The following EXT1 variants were observed in gnomAD, a reference collection of about 807,000 sequenced individuals.
The protein encoded by EXT1 is exostosin glycosyltransferase 1.
EXT1 carries 20 observed loss-of-function variants against 82.5 expected under a neutral mutation model. That is an observed-to-expected ratio of 0.24 (90% confidence interval 0.17 to 0.35). The LOEUF is 0.35. Ranked by LOEUF, EXT1 falls within the 10% of genes least tolerant of loss-of-function variation. The pLI, the probability that EXT1 is intolerant of heterozygous loss-of-function variation, is 1.00. For synonymous variants in EXT1, 348 were observed against 350.8 expected, an observed-to-expected ratio of 0.99 and a Z score of 0.09; for missense variants, 757 against 936.5, an observed-to-expected ratio of 0.81 and a Z score of 2.50.
chr8:118,033,015 T>G (rs1816355569), intron 1 of EXT1, among the ~76,000 whole-genome samples: 1 of 152,008 alleles, frequency 6.6e-6, no homozygotes, highest in South Asian at 2.1e-4. Flanking sequence ...AGGAAAGGGG[T>G]TGCTGCCTAT....
intron 6 of EXT1, 103 bp from the exon 7 acceptor site, chr8:117,818,633 A>C (rs1811868276): frequency 2.1e-6 from 2 of 951,330 alleles, no homozygotes; most frequent in Admixed American, 1.8e-5. Flanking sequence ...GAGGAGCTGG[A>C]AATCTCAGCA....
intron 1 of EXT1, among the ~76,000 whole-genome samples, chr8:117,847,694 C>T (rs1337889704): frequency 6.6e-6 from 1 of 152,140 alleles, no homozygotes; most frequent in African/African-American, 2.4e-5. Flanking sequence ...AATGTCTGAC[C>T]ACTTCCCTTC....
chr8:118,010,600 T>C (rs1308589763), intron 1 of EXT1, among the ~76,000 whole-genome samples: 1 of 152,202 alleles, frequency 6.6e-6, no homozygotes, highest in Admixed American at 6.5e-5. Flanking sequence ...TAAAAGAAGC[T>C]GCAGAGCAGT....
chr8:117,913,546 T>C (rs1267649863), intron 1 of EXT1, among the ~76,000 whole-genome samples: 1 of 152,188 alleles, frequency 6.6e-6, no homozygotes, highest in African/African-American at 2.4e-5. Flanking sequence ...GTACAGCCTC[T>C]TTTCCAGAGA....
intron 1 of EXT1, among the ~76,000 whole-genome samples, chr8:117,965,136 T>C (rs1814783594): frequency 6.6e-6 from 1 of 152,170 alleles, no homozygotes; most frequent in Admixed American, 6.5e-5. Flanking sequence ...TGTTTTTTTG[T>C]TTGTTTTTTT....
chr8:117,998,764 T>G (rs1815599698), intron 1 of EXT1, among the ~76,000 whole-genome samples: 1 of 152,168 alleles, frequency 6.6e-6, no homozygotes, highest in African/African-American at 2.4e-5. Context: ...GGCTAACTTG[T>G]AAAACCCCCA....
chr8:117,857,133 A>C (rs144784062), intron 1 of EXT1, among the ~76,000 whole-genome samples: 5 of 152,324 alleles, frequency 3.3e-5, no homozygotes, highest in East Asian at 3.9e-4. Flanking sequence ...AGAAAGAAAA[A>C]TTTCTTTTAA....
intron 1 of EXT1, among the ~76,000 whole-genome samples, chr8:117,944,044 C>T: frequency 6.6e-6 from 1 of 152,158 alleles, no homozygotes; most frequent in East Asian, 1.9e-4. Flanking sequence ...GAAGGGAGAT[C>T]AAAAGTGTGT....
intron 1 of EXT1, among the ~76,000 whole-genome samples, chr8:118,086,604 T>C (rs1363442092): frequency 6.6e-6 from 1 of 152,226 alleles, no homozygotes; most frequent in Non-Finnish European, 1.5e-5. Flanking sequence ...GATGCACTTA[T>C]TTTAAGCTGT....
chr8:117,904,521 T>C (rs1485234397), intron 1 of EXT1, among the ~76,000 whole-genome samples: 1 of 152,208 alleles, frequency 6.6e-6, no homozygotes, highest in African/African-American at 2.4e-5. Context: ...GGGTATGTTC[T>C]TTAAAATATC....
chr8:118,083,812 G>A (rs1006590705), intron 1 of EXT1, among the ~76,000 whole-genome samples: 2 of 152,050 alleles, frequency 1.3e-5, no homozygotes, highest in African/African-American at 4.8e-5. Flanking sequence ...CAGATCACTT[G>A]GGGTCAGGAG....
chr8:118,051,032 C>T (rs1816708396), intron 1 of EXT1, among the ~76,000 whole-genome samples: 1 of 152,168 alleles, frequency 6.6e-6, no homozygotes, highest in Non-Finnish European at 1.5e-5. Flanking sequence ...ATAATCCATA[C>T]ACACAAATAT....
chr8:118,053,999 T>C (rs1216517100), intron 1 of EXT1, among the ~76,000 whole-genome samples: 1 of 152,166 alleles, frequency 6.6e-6, no homozygotes, highest in African/African-American at 2.4e-5. Context: ...GTCATGTGTA[T>C]GGGGGTGAAG....
At chr8:118,106,723 A>C (rs1250403774) in intron 1 of EXT1, among the ~76,000 whole-genome samples, 3 of 152,238 alleles carry the variant, frequency 2.0e-5, no homozygotes, top group Non-Finnish European at 4.4e-5. Context: ...TATGAAGTTC[A>C]TGCAAAAGTA....
At chr8:117,955,341 G>A (rs904623431) in intron 1 of EXT1, among the ~76,000 whole-genome samples, 2 of 152,124 alleles carry the variant, frequency 1.3e-5, no homozygotes, top group African/African-American at 4.8e-5. Flanking sequence ...ATAGGGGTAG[G>A]GTGGGTTAGA....
chr8:117,976,247 G>A (rs560439631), intron 1 of EXT1, among the ~76,000 whole-genome samples: 26 of 152,004 alleles, frequency 1.7e-4, no homozygotes, highest in Non-Finnish European at 3.8e-4. Flanking sequence ...ATAGCCTACC[G>A]CCCAGCAATT....
In EXT1 at chr8:118,111,211, C is replaced by G; in HGVS notation, c.-165G>C. 1.1e-6 allele frequency: 1 copy of G among 948,288 alleles called. No homozygotes were observed. The highest frequency in any genetic ancestry group is 1.6e-6 in the Non-Finnish European group (1 of 621,508). 58.7% of individuals were successfully genotyped at this position (948,288 alleles called of 1,614,324 possible). On this transcript the variant is annotated 5_prime_UTR_variant, in exon 1 of 11. Coordinates refer to ENST00000378204, the MANE Select transcript of EXT1 (RefSeq NM_000127.3). ...TTCCCCAAGCCGTGGACTGATCCAG[C>G]GCATGTGGGCGATTTCTTTAACTTT... is the stretch of plus-strand genomic sequence containing the variant.
intron 1 of EXT1, among the ~76,000 whole-genome samples, chr8:118,030,045 A>G (rs1216368911): frequency 3.9e-5 from 6 of 152,194 alleles, no homozygotes. Context: ...ATTCCCAGGG[A>G]TATCTCTCAT....
intron 1 of EXT1, among the ~76,000 whole-genome samples, chr8:117,893,477 T>C (rs187797675): frequency 6.6e-6 from 1 of 152,222 alleles, no homozygotes; most frequent in Admixed American, 6.5e-5. Flanking sequence ...ACAAAAGGCC[T>C]TTGGAAACCT....
Sources: allele counts gnomAD v4.1 joint callset (sites outside exome capture counted in the v4.1 genomes callset), GRCh38; gene constraint gnomAD v4.1.1; transcripts MANE v1.5; gene names NCBI Gene and HGNC (gene_info 2026-07-23, HGNC 2026-07-21).